Variants in COL11A1 observed in about 807,000 individuals in gnomAD.
COL11A1 encodes collagen type XI alpha 1 chain.
Under a neutral mutation model 265.2 loss-of-function variants are expected in COL11A1, and 74 were observed. The ratio of observed to expected loss-of-function variants is 0.28; its 90% CI spans 0.23 to 0.34. The LOEUF is 0.34. COL11A1 is among the 10% of genes least tolerant of loss of function. COL11A1 has a pLI of 1.00. For missense variants in COL11A1, 2,165 were observed against 2,263.6 expected (o/e 0.96, Z 0.88); for synonymous variants, 816 against 727.6 (o/e 1.12, Z -1.96).
chr1:102,913,249 T>G (rs931990568), intron 53 of COL11A1, among the ~76,000 whole-genome samples: 2 of 152,192 alleles, frequency 1.3e-5, no homozygotes, highest in African/African-American at 4.8e-5. Flanking sequence ...GAGAGTTCAT[T>G]TAGGTTCACA....
At chr1:102,912,315 C>A in intron 53 of COL11A1, 103 bp from the exon 54 acceptor site, 2 of 843,870 alleles carry the variant, frequency 2.4e-6, no homozygotes, top group South Asian at 1.7e-5. Flanking sequence ...TCTTCATTTC[C>A]ACATGTCAAT....
rs755396177 is a variant in COL11A1 at position 103,025,520 on chromosome 1, C to A, written c.990+1G>T. Reference sequence around the variant, plus strand: ...GATTTAATACTGTCTATACGTATTACCTCATTTGTCCCAGAAACATGCCTA... The same window carrying A: ...GATTTAATACTGTCTATACGTATTAACTCATTTGTCCCAGAAACATGCCTA... On this transcript the variant is annotated splice_donor_variant, in intron 7 of 66. Coordinates refer to ENST00000370096, the MANE Select transcript of COL11A1 (RefSeq NM_001854.4). LOFTEE classifies it high-confidence loss of function. 6.2e-7 allele frequency: 1 copy of A among 1,601,692 alleles called. No homozygotes were observed. Among genetic ancestry groups the A allele is most frequent in the Admixed American group, 1.7e-5 (1 of 59,986 alleles).
intron 1 of COL11A1, among the ~76,000 whole-genome samples, chr1:103,086,269 C>CT (rs1571248011): frequency 1.3e-5 from 2 of 151,966 alleles, no homozygotes; most frequent in East Asian, 3.9e-4. Flanking sequence ...TGAATAAAGA[C>CT]TTGAGGATAG....
At chr1:103,037,252 TTGTGTG>T (rs10582908) in intron 4 of COL11A1, among the ~76,000 whole-genome samples, 10,547 of 145,114 alleles carry the variant, frequency 0.073, 526 homozygotes, top group African/African-American at 0.15. Context: ...TACATTTAGA[TTGTGTG>T]TGTGTGTGTG....
intron 4 of COL11A1, among the ~76,000 whole-genome samples, chr1:103,051,692 C>T (rs144424278): frequency 6.6e-6 from 1 of 152,176 alleles, no homozygotes; most frequent in Non-Finnish European, 1.5e-5. Context: ...TCTTCTGCAT[C>T]GCTCACGCTG....
rs573698377 is a variant in COL11A1 at position 103,106,271 on chromosome 1, C to T, written c.106+1802G>A. The stretch of plus-strand genomic sequence containing the variant: ...TCCCTGAATCCATGCAAAAGTGTCT[C>T]TCGGAGCTTGTATTTCATCCATCAC... On this transcript the variant is annotated intron_variant, in intron 1 of 66. Coordinates refer to ENST00000370096, the MANE Select transcript of COL11A1 (RefSeq NM_001854.4). Among the ~76,000 whole-genome samples, 372 of 152,300 alleles carry T rather than the reference C, an allele frequency of 2.4e-3. 3 individuals carry two copies. The highest frequency in any genetic ancestry group is 8.6e-3 in the African/African-American group (357 of 41,564).
intron 26 of COL11A1, among the ~76,000 whole-genome samples, chr1:102,996,745 T>A (rs974357884): frequency 4.6e-5 from 7 of 151,906 alleles, no homozygotes; most frequent in African/African-American, 1.7e-4. Context: ...TACCAGAAAG[T>A]AATAAGTAAT....
chr1:102,927,308 C>T (rs534327107), intron 46 of COL11A1, among the ~76,000 whole-genome samples: 3 of 152,146 alleles, frequency 2.0e-5, no homozygotes, highest in East Asian at 1.9e-4. Context: ...AGACAAAATG[C>T]TATAATCTTT....
At chr1:103,021,011 TTC>T (rs1467938672) in intron 9 of COL11A1, among the ~76,000 whole-genome samples, 3 of 147,550 alleles carry the variant, frequency 2.0e-5, no homozygotes, top group South Asian at 4.2e-4. Flanking sequence ...TCATTTTTCT[TTC>T]TCTGTTTTTT....
intron 49 of COL11A1, among the ~76,000 whole-genome samples, chr1:102,919,604 A>C (rs1485350865): frequency 6.6e-6 from 1 of 152,026 alleles, no homozygotes; most frequent in African/African-American, 2.4e-5. Context: ...TAAAGCACGC[A>C]AATATCCATG....
intron 2 of COL11A1, among the ~76,000 whole-genome samples, chr1:103,080,873 C>G (rs1672357753): frequency 6.6e-6 from 1 of 151,856 alleles, no homozygotes; most frequent in Admixed American, 6.6e-5. Flanking sequence ...TATTATCCAT[C>G]AACCCTACTA....
intron 46 of COL11A1, among the ~76,000 whole-genome samples, chr1:102,927,719 T>A (rs1656785128): frequency 6.6e-6 from 1 of 152,160 alleles, no homozygotes; most frequent in African/African-American, 2.4e-5. Context: ...AGTCCAATTG[T>A]AAGATATATT....
chr1:103,002,541 C>G, intron 22 of COL11A1, 60 bp from the exon 23 acceptor site: 1 of 1,442,512 alleles, frequency 6.9e-7, no homozygotes, highest in South Asian at 1.2e-5. Context: ...GATTTTTGTT[C>G]TTCTCAATTG....
chr1:102,969,336 G>A (rs540314383), intron 37 of COL11A1, among the ~76,000 whole-genome samples: 2 of 152,226 alleles, frequency 1.3e-5, no homozygotes, highest in South Asian at 4.2e-4. Context: ...ACTCCAATAT[G>A]TATTCAGGGT....
At chr1:102,956,220 T>C (rs990086875) in intron 41 of COL11A1, among the ~76,000 whole-genome samples, 2 of 152,184 alleles carry the variant, frequency 1.3e-5, no homozygotes, top group African/African-American at 2.4e-5. Flanking sequence ...AAACTGGTTT[T>C]TATTTACAGC....
intron 47 of COL11A1, among the ~76,000 whole-genome samples, chr1:102,923,028 A>G (rs1656171476): frequency 6.6e-6 from 1 of 152,204 alleles, no homozygotes; most frequent in Non-Finnish European, 1.5e-5. Context: ...CAATAAATGC[A>G]AATAATTATA....
intron 4 of COL11A1, among the ~76,000 whole-genome samples, chr1:103,068,652 C>G (rs1671336153): frequency 6.6e-6 from 1 of 150,894 alleles, no homozygotes; most frequent in Admixed American, 6.6e-5. Context: ...AGATAGAAAA[C>G]TTGCAAAATG....
chr1:102,939,134 T>C, intron 43 of COL11A1, 46 bp from the exon 44 acceptor site: 1 of 1,485,242 alleles, frequency 6.7e-7, no homozygotes, highest in Non-Finnish European at 9.4e-7. Flanking sequence ...AACATGCTAT[T>C]GCATTGTCTT....
rs1244836532 is a variant in COL11A1, at chr1:103,108,159, C to T, written c.20G>A (p.Arg7Lys). 6.2e-7 allele frequency: 1 copy of T among 1,613,706 alleles called. No individual in the cohort carries two copies. The highest frequency in any genetic ancestry group is 8.5e-7 in the Non-Finnish European group (1 of 1,179,968). The change falls in exon 1 of 67, where the codon AGG becomes AAG. Residue 7 changes from arginine (R) to lysine (K), a missense_variant. Physicochemically the swap from Arg to Lys is conservative, Grantham distance 26. Transcript: ENST00000370096. Reference sequence around the variant, plus strand: ...CCAGAGCCACCGTTTCGTTTTCCACCTAGAGGACCACGGCTCCATCTCCGA... The same window carrying T: ...CCAGAGCCACCGTTTCGTTTTCCACTTAGAGGACCACGGCTCCATCTCCGA... MEPWSSRWKTKRWLWDF... is the reference protein window; with the variant it reads MEPWSSKWKTKRWLWDF...
Sources: allele counts gnomAD v4.1 joint callset (sites outside exome capture counted in the v4.1 genomes callset), GRCh38; gene constraint gnomAD v4.1.1; transcripts MANE v1.5; gene names NCBI Gene and HGNC (gene_info 2026-07-23, HGNC 2026-07-21).